DCAF8L2: variants seen among roughly 807,000 people sequenced by gnomAD.
DCAF8L2 encodes the protein DDB1 and CUL4 associated factor 8 like 2.
For missense variants in DCAF8L2, 430 were observed against 490.7 expected (o/e 0.88, Z 1.17); for synonymous variants, 200 against 190.9 (o/e 1.05, Z -0.39).
chrX:27,630,307 C>T (rs1411261312), intron 1 of DCAF8L2, among the ~76,000 whole-genome samples: 5 of 111,337 alleles, frequency 4.5e-5, no homozygotes, highest in African/African-American at 1.3e-4. Context: ...TACAACCTGC[C>T]ATGACTGAAT....
At chrX:27,673,087 A>G (rs780638432) in intron 2 of DCAF8L2, among the ~76,000 whole-genome samples, 3 of 98,426 alleles carry the variant, frequency 3.0e-5, no homozygotes, top group South Asian at 4.4e-4. Context: ...TCACACAGTA[A>G]TATGCACACA....
the DCAF8L2 span, among the ~76,000 whole-genome samples, chrX:27,510,682 T>A: frequency 2.7e-5 from 3 of 109,963 alleles, no homozygotes; most frequent in African/African-American, 9.9e-5. Flanking sequence ...AAATGCCTGA[T>A]GAATTCTTCC....
At chrX:27,605,379 G>T (rs1023966714) in intron 1 of DCAF8L2, among the ~76,000 whole-genome samples, 4 of 111,432 alleles carry the variant, frequency 3.6e-5, no homozygotes, top group Admixed American at 9.6e-5. Context: ...AGAAACTTTT[G>T]TGAATGTCTT....
chrX:27,568,442 A>T, the DCAF8L2 span, among the ~76,000 whole-genome samples: 5 of 111,859 alleles, frequency 4.5e-5, no homozygotes, highest in Non-Finnish European at 9.4e-5. Context: ...AAATAATTTT[A>T]AAAACTGTAT....
the DCAF8L2 span, among the ~76,000 whole-genome samples, chrX:27,507,418 T>C: frequency 8.9e-6 from 1 of 111,931 alleles, no homozygotes; most frequent in African/African-American, 3.2e-5. Context: ...CACAGGTTGA[T>C]TGAAGTGGCA....
intron 1 of DCAF8L2, among the ~76,000 whole-genome samples, chrX:27,611,350 A>G (rs1219753611): frequency 1.2e-5 from 1 of 81,775 alleles, no homozygotes; most frequent in South Asian, 4.9e-4. Flanking sequence ...AAACTTCTTC[A>G]GATTCTTTTT....
chrX:27,635,091 T>C (rs746354725), intron 2 of DCAF8L2, among the ~76,000 whole-genome samples: 232 of 111,378 alleles, frequency 2.1e-3, no homozygotes, highest in Non-Finnish European at 2.7e-3. Context: ...AATAGATATA[T>C]TGACATTGTT....
At chrX:27,692,533 C>A (rs955471537) in intron 3 of DCAF8L2, among the ~76,000 whole-genome samples, 2 of 111,536 alleles carry the variant, frequency 1.8e-5, no homozygotes, top group Non-Finnish European at 3.8e-5. Context: ...GACTTTTAAA[C>A]AAAAGAGCAT....
At chrX:27,591,555 T>C (rs1464094949) in intron 1 of DCAF8L2, among the ~76,000 whole-genome samples, 2 of 111,857 alleles carry the variant, frequency 1.8e-5, no homozygotes, top group Non-Finnish European at 3.8e-5. Context: ...GAAACTGCTA[T>C]TGAAAGCGTA....
At chrX:27,520,240 A>G in the DCAF8L2 span, among the ~76,000 whole-genome samples, 1 of 112,116 alleles carries the variant, frequency 8.9e-6, no homozygotes, top group Non-Finnish European at 1.9e-5. Context: ...GGAGAAGATT[A>G]ACGTCATGAA....
chrX:27,552,370 C>T, the DCAF8L2 span, among the ~76,000 whole-genome samples: 163 of 111,206 alleles, frequency 1.5e-3, no homozygotes, highest in African/African-American at 4.9e-3. Flanking sequence ...AAAATCCTTG[C>T]TCAGACAAAT....
At chrX:27,599,895 C>A (rs2147118768) in intron 1 of DCAF8L2, among the ~76,000 whole-genome samples, 1 of 111,856 alleles carries the variant, frequency 8.9e-6, no homozygotes, top group East Asian at 2.8e-4. Context: ...ATAGATACTT[C>A]TCAGGAATAT....
chrX:27,614,938 T>C (rs1927385978), intron 1 of DCAF8L2, among the ~76,000 whole-genome samples: 1 of 111,552 alleles, frequency 9.0e-6, no homozygotes. Context: ...GAGACACTGC[T>C]TTAGCCCATA....
At chrX:27,562,872 G>C in the DCAF8L2 span, among the ~76,000 whole-genome samples, 1 of 111,983 alleles carries the variant, frequency 8.9e-6, no homozygotes, top group Non-Finnish European at 1.9e-5. Context: ...CTAAGCATCA[G>C]ATTTTTCCTT....
the DCAF8L2 span, among the ~76,000 whole-genome samples, chrX:27,478,791 A>C: frequency 8.9e-6 from 1 of 112,125 alleles, no homozygotes; most frequent in Non-Finnish European, 1.9e-5. Context: ...TAGGAATAAA[A>C]ACATTGTTTA....
chrX:27,669,897 A>C (rs1233415016), intron 2 of DCAF8L2, among the ~76,000 whole-genome samples: 3 of 111,564 alleles, frequency 2.7e-5, no homozygotes, highest in African/African-American at 9.8e-5. Context: ...GGTTGGTTCC[A>C]AGTCTTTGCC....
intron 2 of DCAF8L2, among the ~76,000 whole-genome samples, chrX:27,648,954 G>A (rs1929048804): frequency 8.9e-6 from 1 of 111,787 alleles, no homozygotes; most frequent in Non-Finnish European, 1.9e-5. Flanking sequence ...CAAGTTTCTT[G>A]AACCTAGCTG....
intron 4 of DCAF8L2, among the ~76,000 whole-genome samples, chrX:27,742,254 C>T (rs1362301074): frequency 9.0e-6 from 1 of 111,082 alleles, no homozygotes; most frequent in African/African-American, 3.3e-5. Flanking sequence ...GGCACAAGCG[C>T]AGGGTAAATG....
At chrX:27,560,633 C>T in the DCAF8L2 span, among the ~76,000 whole-genome samples, 2 of 112,114 alleles carry the variant, frequency 1.8e-5, no homozygotes, top group African/African-American at 3.2e-5. Context: ...TCTGGGTTTA[C>T]TCAGTCAGAT....
Sources: allele counts gnomAD v4.1 joint callset (sites outside exome capture counted in the v4.1 genomes callset), GRCh38; gene constraint gnomAD v4.1.1; transcripts MANE v1.5; gene names NCBI Gene and HGNC (gene_info 2026-07-23, HGNC 2026-07-21).